AGR2: variants seen among roughly 807,000 people sequenced by gnomAD.
AGR2 encodes anterior gradient 2, protein disulphide isomerase family member.
Under a neutral mutation model 25.9 loss-of-function variants are expected in AGR2, and 27 were observed. That is an observed-to-expected ratio of 1.04 (90% CI 0.77 to 1.44). The LOEUF is 1.44. Among genes scored for constraint, AGR2 ranks in the 40% most tolerant of loss-of-function variants. The probability of loss-of-function intolerance (pLI) is 0.00; values close to 1 mark genes in which losing one functional copy is unlikely to be tolerated. For synonymous variants in AGR2, 78 were observed against 72.0 expected (o/e 1.08, Z -0.42); for missense variants, 182 against 200.9 (o/e 0.91, Z 0.57).
chr7:16,797,756 T>C (rs1785074079), intron 5 of AGR2, 62 bp from the exon 6 acceptor site: 4 of 1,400,034 alleles, frequency 2.9e-6, no homozygotes, highest in Admixed American at 3.6e-5. Context: ...TTCAAACTTG[T>C]TAATACAAGA....
rs766545138 is a variant in AGR2, at chr7:16,799,824, T to C, written c.257-7A>G. The C allele has an allele frequency of 1.9e-6, 3 of 1,589,722 alleles. No homozygotes were observed. Among genetic ancestry groups the C allele is most frequent in the African/African-American group, 1.3e-5 (1 of 74,208 alleles). ...GCAAACACTTTCTTTAAAGCTATAATATAAAGAAAAATCATTAAGCATCCA... is the reference window on the plus strand; with the variant it reads ...GCAAACACTTTCTTTAAAGCTATAACATAAAGAAAAATCATTAAGCATCCA... On this transcript the variant is annotated splice_polypyrimidine_tract_variant and splice_region_variant and intron_variant, in intron 4 of 7. Coordinates refer to ENST00000419304, the MANE Select transcript of AGR2 (RefSeq NM_006408.4).
chr7:16,797,174 G>A (rs989415291), intron 6 of AGR2, among the ~76,000 whole-genome samples: 5 of 151,782 alleles, frequency 3.3e-5, no homozygotes, highest in African/African-American at 7.3e-5. Context: ...GTGATCTGCC[G>A]GCCTTGGCCT....
At chr7:16,796,580 A>C (rs1032148349) in intron 6 of AGR2, among the ~76,000 whole-genome samples, 1 of 152,350 alleles carries the variant, frequency 6.6e-6, no homozygotes, top group Middle Eastern at 3.4e-3. Context: ...CAAACTCAGT[A>C]CATTCATTCA....
In AGR2 at chr7:16,795,037, G is replaced by A. The variant is rs1785021020; in HGVS notation, c.395-18C>T. 3.1e-6 allele frequency: 5 copies of A among 1,613,284 alleles called. No homozygotes were observed. Among genetic ancestry groups the A allele is most frequent in the Middle Eastern group, 1.7e-4 (1 of 6,060 alleles). On this transcript the variant is annotated intron_variant, in intron 6 of 7. Coordinates refer to ENST00000419304, the MANE Select transcript of AGR2 (RefSeq NM_006408.4). ...AGATGGGTCTGCAAAGATAAATGAA[G>A]CAAAAGGGAATGGAATGGTTTGTTT...
chr7:16,792,728 C>G lies in AGR2; in HGVS notation c.*180G>C. ...GGTAGTATACAATATTGTTTTCACA[C>G]ATGTACACTTGAAACCAAATTTCTA... On this transcript the variant is annotated 3_prime_UTR_variant, in exon 8 of 8. Transcript: ENST00000419304. 1 of 622,354 alleles carries G rather than the reference C, an allele frequency of 1.6e-6. No homozygotes were observed. The highest frequency in any genetic ancestry group is 2.9e-6 in the Non-Finnish European group (1 of 348,992). The allele number at this position is 622,354 out of a possible 1,614,324, so 38.6% of individuals were successfully genotyped here. A position where few individuals can be genotyped will look rare whatever the true frequency, so the allele number is the denominator to read the frequency against.
In AGR2 at chr7:16,792,329, T is replaced by A. The variant is rs1398392866; in HGVS notation, c.*579A>T. ...AGCATTAGGTTGGGCAAAATCTGAC[T>A]AAAATTTAATTACTAAATGAAAGTG... is the stretch of plus-strand genomic sequence containing the variant. On this transcript the variant is annotated 3_prime_UTR_variant, in exon 8 of 8. Transcript: ENST00000419304. 6.6e-6 allele frequency: 1 copy of A among 152,632 alleles called. No individual in the cohort carries two copies. Among genetic ancestry groups the A allele is most frequent in the Non-Finnish European group, 1.5e-5 (1 of 68,116 alleles). 9.5% of individuals were successfully genotyped at this position (152,632 alleles called of 1,614,324 possible). A position where few individuals can be genotyped will look rare whatever the true frequency, so the allele number is the denominator to read the frequency against.
intron 1 of AGR2, among the ~76,000 whole-genome samples, chr7:16,804,254 A>C (rs910436196): frequency 2.5e-5 from 2 of 79,176 alleles, no homozygotes; most frequent in Non-Finnish European, 6.2e-5. Flanking sequence ...TTGGAGACAC[A>C]CACAGACATA....
chr7:16,799,855 G>T, intron 4 of AGR2, 38 bp from the exon 5 acceptor site: 2 of 1,387,252 alleles, frequency 1.4e-6, no homozygotes, highest in South Asian at 1.2e-5. Context: ...ATCCATCTTA[G>T]CATTGGTTAA....
chr7:16,801,595 A>C (rs754533030), intron 2 of AGR2, 63 bp downstream of exon 2: 1 of 1,603,668 alleles, frequency 6.2e-7, no homozygotes, highest in South Asian at 1.1e-5. Context: ...TTTAAGCACC[A>C]AGAGAGAGGA....
chr7:16,803,936 A>G (rs888398206), intron 1 of AGR2, among the ~76,000 whole-genome samples: 2 of 152,226 alleles, frequency 1.3e-5, no homozygotes, highest in South Asian at 4.1e-4. Flanking sequence ...TATATTCTAA[A>G]AAATAGTAAA....
Position 16,802,778 on chromosome 7 carries a change from A to G in AGR2, c.-7-975T>C, listed in dbSNP as rs1397745140. 2.0e-5 allele frequency among the ~76,000 whole-genome samples: 3 copies of G among 152,220 alleles called. No individual in the cohort carries two copies. The East Asian group carries it at 5.8e-4, about 29-fold the overall frequency. Reference sequence around the variant, plus strand: ...TATATATATCTATATAGAAATAGATAAATAGAGATATATTTTGAGAAAATA... The same window carrying G: ...TATATATATCTATATAGAAATAGATGAATAGAGATATATTTTGAGAAAATA... On this transcript the variant is annotated intron_variant, in intron 1 of 7. Transcript: ENST00000419304.
chr7:16,792,626 T>G lies in AGR2; in HGVS notation c.*282A>C. 2.6e-6 allele frequency: 1 copy of G among 385,390 alleles called. No homozygotes were observed. 23.9% of individuals were successfully genotyped at this position (385,390 alleles called of 1,614,324 possible). ...TAATCCTATTTGGTAAACGAACCACTGTGAAAGACCAAGTTGGAGAAAACA... is the reference window on the plus strand; with the variant it reads ...TAATCCTATTTGGTAAACGAACCACGGTGAAAGACCAAGTTGGAGAAAACA... On this transcript the variant is annotated 3_prime_UTR_variant, in exon 8 of 8. Coordinates refer to ENST00000419304, the MANE Select transcript of AGR2 (RefSeq NM_006408.4).
At chr7:16,803,398 A>G (rs1785182100) in intron 1 of AGR2, among the ~76,000 whole-genome samples, 1 of 152,216 alleles carries the variant, frequency 6.6e-6, no homozygotes, top group Non-Finnish European at 1.5e-5. Flanking sequence ...TAACTCTAGT[A>G]TTGGTGAATG....
Position 16,795,011 on chromosome 7 carries a change from G to T in AGR2, c.403C>A (p.Leu135Met). The stretch of plus-strand genomic sequence containing the variant: ...CCAGTGATATCGGCTCTAACTGTCA[G>T]AGATGGGTCTGCAAAGATAAATGAA... ...VPRIMFVDPS[L>M]TVRADITGRY... The change falls in exon 7 of 8, where the codon CTG becomes ATG. Residue 135 changes from leucine to methionine, a missense_variant. Leu to Met is a conservative substitution (Grantham distance 15). Coordinates refer to ENST00000419304, the MANE Select transcript of AGR2 (RefSeq NM_006408.4). The T allele has an allele frequency of 6.2e-7, 1 of 1,614,126 alleles. No homozygotes were observed. Among genetic ancestry groups the T allele is most frequent in the Admixed American group, 1.7e-5 (1 of 60,030 alleles).
chr7:16,803,690 A>G (rs888332538), intron 1 of AGR2, among the ~76,000 whole-genome samples: 2 of 152,222 alleles, frequency 1.3e-5, no homozygotes, highest in African/African-American at 2.4e-5. Flanking sequence ...TGGAAATGCC[A>G]ATAACTTTTG....
chr7:16,801,224 A>G (rs756871120), intron 3 of AGR2, 21 bp from the exon 4 acceptor site: 13 of 1,613,236 alleles, frequency 8.1e-6, no homozygotes, highest in Non-Finnish European at 1.0e-5. Flanking sequence ...CAGAGATTAG[A>G]CAAATTTTAA....
intron 5 of AGR2, 88 bp from the exon 6 acceptor site, chr7:16,797,782 GC>G: frequency 9.9e-7 from 1 of 1,008,892 alleles, no homozygotes; most frequent in Non-Finnish European, 1.5e-6. Context: ...TCCATTTCCG[GC>G]CAGGCATCTC....
At chr7:16,801,486 A>G (rs1785142650) in intron 2 of AGR2, 103 bp from the exon 3 acceptor site, 1 of 1,334,544 alleles carries the variant, frequency 7.5e-7, no homozygotes, top group African/African-American at 1.5e-5. Flanking sequence ...TATACTAAAG[A>G]AGAAGAAAAA....
Position 16,795,015 on chromosome 7 carries a change from T to C in AGR2, c.399A>G (p.Pro133=). Residue 133 remains proline, a synonymous_variant, in exon 7 of 8, where the codon CCA becomes CCG. Transcript: ENST00000419304. ...QYVPRIMFVD[P]SLTVRADITG... Reference sequence around the variant, plus strand: ...TGATATCGGCTCTAACTGTCAGAGATGGGTCTGCAAAGATAAATGAAGCAA... The same window carrying C: ...TGATATCGGCTCTAACTGTCAGAGACGGGTCTGCAAAGATAAATGAAGCAA... 7 of 1,614,112 alleles carry C rather than the reference T, an allele frequency of 4.3e-6. No homozygotes were observed. The highest frequency in any genetic ancestry group is 5.9e-6 in the Non-Finnish European group (7 of 1,179,950).
Sources: gnomAD v4.1 joint callset for allele counts (sites outside exome capture counted in the v4.1 genomes callset) on GRCh38, gnomAD v4.1.1 for gene constraint, MANE v1.5 for transcripts, NCBI Gene and HGNC (gene_info 2026-07-23, HGNC 2026-07-21) for gene names.